The following CTNNAL1 variants were observed in gnomAD, a reference collection of about 807,000 sequenced individuals.
The protein encoded by CTNNAL1 is alpha-catulin.
Under a neutral mutation model 93.6 loss-of-function variants are expected in CTNNAL1, and 69 were observed. The observed-to-expected ratio is 0.74, with a 90% CI of 0.61 to 0.90. The LOEUF (loss-of-function observed/expected upper bound fraction) is 0.90, where lower values mean the gene tolerates loss of function less well. Ranked by LOEUF, CTNNAL1 falls within the 40% of genes least tolerant of loss-of-function variation. The probability of loss-of-function intolerance (pLI) is 0.00; values close to 1 mark genes in which losing one functional copy is unlikely to be tolerated. For synonymous variants in CTNNAL1, 286 were observed against 305.4 expected, an observed-to-expected ratio of 0.94 and a Z score of 0.66; for missense variants, 836 against 862.0, an observed-to-expected ratio of 0.97 and a Z score of 0.38.
chr9:108,980,046 G>A (rs1299775766), intron 6 of CTNNAL1, among the ~76,000 whole-genome samples: 1 of 152,098 alleles, frequency 6.6e-6, no homozygotes, highest in Non-Finnish European at 1.5e-5. Context: ...TCTACCAGAG[G>A]GTCTGTATAA....
intron 2 of CTNNAL1, among the ~76,000 whole-genome samples, chr9:108,994,000 C>A (rs772159404): frequency 6.6e-6 from 1 of 152,218 alleles, no homozygotes; most frequent in African/African-American, 2.4e-5. Context: ...GAGGCCGAGG[C>A]GGGTGGATCA....
intron 1 of CTNNAL1, among the ~76,000 whole-genome samples, chr9:109,008,906 G>C (rs1243954828): frequency 4.4e-4 from 6 of 13,662 alleles, no homozygotes; most frequent in Admixed American, 4.2e-3. Flanking sequence ...TTTTTTTTTT[G>C]AGACAGGGTC....
intron 15 of CTNNAL1, among the ~76,000 whole-genome samples, chr9:108,944,601 A>T (rs1052426281): frequency 4.6e-5 from 7 of 152,222 alleles, no homozygotes; most frequent in Non-Finnish European, 1.0e-4. Context: ...AGAGTGAAAA[A>T]GAAGGTTGTA....
intron 4 of CTNNAL1, among the ~76,000 whole-genome samples, chr9:108,989,296 C>G (rs1489152886): frequency 6.6e-6 from 1 of 151,786 alleles, no homozygotes; most frequent in Non-Finnish European, 1.5e-5. Flanking sequence ...AGATTATAAG[C>G]TACTATTATT....
rs1049593749 is a variant in CTNNAL1 at position 109,005,453 on chromosome 9, C to G, written c.142-6197G>C. On this transcript the variant is annotated intron_variant, in intron 1 of 18. Transcript: ENST00000325551. The stretch of plus-strand genomic sequence containing the variant: ...ATGTGATGGTATTAGGAGGTGGGGC[C>G]TTTGGGAGACGATTAGTTCATGGGG... Among the ~76,000 whole-genome samples, 62 of 152,030 alleles carry G rather than the reference C, an allele frequency of 4.1e-4. 3 individuals are homozygous for G. Among genetic ancestry groups the G allele is most frequent in the Admixed American group, 2.0e-4 (3 of 15,264 alleles).
In CTNNAL1 at chr9:108,990,849, C is replaced by A; in HGVS notation, c.520-4G>T. 6.2e-7 allele frequency: 1 copy of A among 1,610,186 alleles called. No homozygotes were observed. The highest frequency in any genetic ancestry group is 8.5e-7 in the Non-Finnish European group (1 of 1,178,612). ...GTCTTTCCATAGTTGCGAGAACCTG[C>A]AAAACAGATAATAATTCATTATTTG... On this transcript the variant is annotated splice_polypyrimidine_tract_variant and splice_region_variant and intron_variant, in intron 3 of 18. Coordinates refer to ENST00000325551, the MANE Select transcript of CTNNAL1 (RefSeq NM_003798.4).
Position 108,943,121 on chromosome 9 carries a change from A to G in CTNNAL1, c.2056-77T>C, listed in dbSNP as rs200733658. On this transcript the variant is annotated intron_variant, in intron 17 of 18. Transcript: ENST00000325551. ...ACCTTACCATTTATTTAGTTTTAACATGATAAAATTTCTCCATATGGAAAT... is the reference window on the plus strand; with the variant it reads ...ACCTTACCATTTATTTAGTTTTAACGTGATAAAATTTCTCCATATGGAAAT... 579 of 1,310,858 alleles carry G rather than the reference A, an allele frequency of 4.4e-4. 7 individuals are homozygous for G. The East Asian group carries it at 0.012, about 26-fold the overall frequency. 81.2% of individuals were successfully genotyped at this position (1,310,858 alleles called of 1,614,324 possible). A position where few individuals can be genotyped will look rare whatever the true frequency, so the allele number is the denominator to read the frequency against.
chr9:108,955,904 TATTA>T (rs1830678476), intron 11 of CTNNAL1, 77 bp from the exon 12 acceptor site: 2 of 890,314 alleles, frequency 2.2e-6, no homozygotes, highest in Non-Finnish European at 3.3e-6. Flanking sequence ...ACTTTTAAAG[TATTA>T]ATTAAACAAA....
intron 11 of CTNNAL1, 28 bp from the exon 12 acceptor site, chr9:108,955,855 A>T (rs776648499): frequency 3.4e-5 from 49 of 1,447,146 alleles, no homozygotes; most frequent in African/African-American, 1.0e-4. Flanking sequence ...AACTTAAAAA[A>T]TTTTTTCTAT....
chr9:108,997,903 C>T (rs557456286), intron 2 of CTNNAL1, among the ~76,000 whole-genome samples: 1 of 152,192 alleles, frequency 6.6e-6, no homozygotes, highest in Non-Finnish European at 1.5e-5. Context: ...CATCCTCACA[C>T]CCCCTAAAAT....
In CTNNAL1 at chr9:108,992,652, T is replaced by A. The variant is rs1554712627; in HGVS notation, c.499A>T (p.Ile167Leu). ...AGTACCTTATTTCTTGATGTTATTA[T>A]CTGTTTAATGACTACTCGGTCTGCC... ...LLADRVVIKQ[I>L]ITSRNKVLAT... The change falls in exon 3 of 19, where the codon ATA becomes TTA. Residue 167 changes from isoleucine (I) to leucine (L), a missense_variant. Physicochemically the swap from Ile to Leu is conservative, Grantham distance 5. Transcript: ENST00000325551. The A allele has an allele frequency of 6.2e-7, 1 of 1,611,314 alleles. No homozygotes were observed. The highest frequency in any genetic ancestry group is 8.5e-7 in the Non-Finnish European group (1 of 1,178,978).
chr9:109,004,285 C>T (rs141980404), intron 1 of CTNNAL1, among the ~76,000 whole-genome samples: 4 of 152,260 alleles, frequency 2.6e-5, no homozygotes, highest in African/African-American at 7.2e-5. Context: ...CCTATAATGT[C>T]GTACAACAAT....
chr9:109,004,712 G>A (rs1826960166), intron 1 of CTNNAL1, among the ~76,000 whole-genome samples: 1 of 151,992 alleles, frequency 6.6e-6, no homozygotes, highest in Non-Finnish European at 1.5e-5. Flanking sequence ...CTTGAACCTG[G>A]GAGGCAGAGG....
At chr9:108,996,105 G>A (rs559470056) in intron 2 of CTNNAL1, among the ~76,000 whole-genome samples, 1 of 152,056 alleles carries the variant, frequency 6.6e-6, no homozygotes, top group East Asian at 1.9e-4. Context: ...TGGGACTGGA[G>A]GCACGCACCA....
At chr9:109,012,183 T>A (rs12343956) in intron 1 of CTNNAL1, among the ~76,000 whole-genome samples, 1 of 152,100 alleles carries the variant, frequency 6.6e-6, no homozygotes, top group Non-Finnish European at 1.5e-5. Context: ...CAGGGACATG[T>A]GTAACTGCTG....
Position 109,012,995 on chromosome 9 carries a change from G to A in CTNNAL1, c.141+307C>T, listed in dbSNP as rs558699222. 7.2e-5 allele frequency among the ~76,000 whole-genome samples: 11 copies of A among 152,294 alleles called. No homozygotes were observed. In the East Asian group the frequency reaches 1.6e-3, roughly 21 times the overall value. On this transcript the variant is annotated intron_variant, in intron 1 of 18. Coordinates refer to ENST00000325551, the MANE Select transcript of CTNNAL1 (RefSeq NM_003798.4). The stretch of plus-strand genomic sequence containing the variant: ...CGCGGAGGGGGCATCGCCCGGCCGG[G>A]GGCACCCGGGAGCCGCAGACCCGAG...
At chr9:109,007,856 A>G (rs1340355553) in intron 1 of CTNNAL1, among the ~76,000 whole-genome samples, 1 of 152,128 alleles carries the variant, frequency 6.6e-6, no homozygotes, top group Non-Finnish European at 1.5e-5. Context: ...CATTGTCCCA[A>G]TTTTGTGTTC....
At chr9:108,943,165 G>T (rs1203609971) in intron 17 of CTNNAL1, 121 bp from the exon 18 acceptor site, 7 of 934,996 alleles carry the variant, frequency 7.5e-6, no homozygotes, top group Non-Finnish European at 1.1e-5. Context: ...TCTTGAAAGA[G>T]ATATGGATTT....
chr9:108,960,485 G>A (rs1267758990), intron 11 of CTNNAL1, among the ~76,000 whole-genome samples: 1 of 152,130 alleles, frequency 6.6e-6, no homozygotes, highest in Non-Finnish European at 1.5e-5. Context: ...AAACGATAAT[G>A]TAAATGCAGG....
Sources: allele counts gnomAD v4.1 joint callset (sites outside exome capture counted in the v4.1 genomes callset), GRCh38; gene constraint gnomAD v4.1.1; transcripts MANE v1.5; gene names NCBI Gene and HGNC (gene_info 2026-07-23, HGNC 2026-07-21).